Variants in PLCB1 observed in about 807,000 individuals in gnomAD.
PLCB1 encodes 1-phosphatidylinositol 4,5-bisphosphate phosphodiesterase beta-1.
In PLCB1, 46 loss-of-function variants were observed where a neutral mutation model predicts 161.8. The observed-to-expected ratio is 0.28, with a 90% CI of 0.22 to 0.36. The LOEUF (loss-of-function observed/expected upper bound fraction) is 0.36, where lower values mean the gene tolerates loss of function less well. Among genes scored for constraint, PLCB1 ranks in the 10% least tolerant of loss-of-function variants. The probability of loss-of-function intolerance (pLI) is 1.00; values close to 1 mark genes in which losing one functional copy is unlikely to be tolerated. For missense variants in PLCB1, 1,016 were observed against 1,472.5 expected, an observed-to-expected ratio of 0.69 and a Z score of 5.07; for synonymous variants, 517 against 503.7, an observed-to-expected ratio of 1.03 and a Z score of -0.35.
At chr20:8,460,389 A>G (rs1981523933) in intron 3 of PLCB1, among the ~76,000 whole-genome samples, 1 of 152,212 alleles carries the variant, frequency 6.6e-6, no homozygotes, top group Admixed American at 6.5e-5. Context: ...AGTGCATCCC[A>G]CTCAGAGCTT....
intron 3 of PLCB1, among the ~76,000 whole-genome samples, chr20:8,622,158 G>A (rs1022613402): frequency 1.4e-4 from 22 of 151,824 alleles, no homozygotes; most frequent in African/African-American, 5.1e-4. Flanking sequence ...GGAGGCTGAG[G>A]CAGGAGAATC....
At chr20:8,711,847 A>G (rs1184318622) in intron 12 of PLCB1, among the ~76,000 whole-genome samples, 1 of 152,154 alleles carries the variant, frequency 6.6e-6, no homozygotes, top group Non-Finnish European at 1.5e-5. Context: ...ATCCTTCTCA[A>G]CACAGTGACC....
At chr20:8,297,009 T>G (rs1983659662) in intron 2 of PLCB1, among the ~76,000 whole-genome samples, 1 of 152,070 alleles carries the variant, frequency 6.6e-6, no homozygotes, top group Admixed American at 6.6e-5. Context: ...TGAATGAACT[T>G]GAGTACATAT....
chr20:8,755,927 G>A (rs1456085025), intron 23 of PLCB1, among the ~76,000 whole-genome samples: 1 of 152,210 alleles, frequency 6.6e-6, no homozygotes, highest in Non-Finnish European at 1.5e-5. Context: ...GAGTTGCTAG[G>A]CAGGTGTCCT....
At position 8,380,543 on chromosome 20, in the gene PLCB1, G is replaced by C. The variant is rs545929644; in HGVS notation, c.246+9093G>C. Among the ~76,000 whole-genome samples the C allele has an allele frequency of 3.9e-5, 6 of 152,228 alleles. No homozygotes were observed. The South Asian group carries it at 1.2e-3, about 32-fold the overall frequency. On this transcript the variant is annotated intron_variant, in intron 3 of 31. Coordinates refer to ENST00000338037, the MANE Select transcript of PLCB1 (RefSeq NM_015192.4). Reference sequence around the variant, plus strand: ...ATCTATAAATTATTTTGGGCAGTACGGACATTTTCATGATATTGATTCTTC... The same window carrying C: ...ATCTATAAATTATTTTGGGCAGTACCGACATTTTCATGATATTGATTCTTC...
rs527286869 is a variant in PLCB1 at position 8,208,752 on chromosome 20, T to C, written c.177+58381T>C. Among the ~76,000 whole-genome samples, 234 of 139,050 alleles carry C rather than the reference T, an allele frequency of 1.7e-3. 1 individual carries two copies. The highest frequency in any genetic ancestry group is 6.7e-3 in the African/African-American group (226 of 33,576). 91.2% of individuals were successfully genotyped at this position (139,050 alleles called of 152,430 possible). A position where few individuals can be genotyped will look rare whatever the true frequency, so the allele number is the denominator to read the frequency against. On this transcript the variant is annotated intron_variant, in intron 2 of 31. Transcript: ENST00000338037. ...CAAGTCAAATTATAGATGAGGATGA[T>C]AGTGATTTTTTTTCACATTTCATGA... is the stretch of plus-strand genomic sequence containing the variant.
chr20:8,607,015 A>C (rs6108161), intron 3 of PLCB1, among the ~76,000 whole-genome samples: 21,837 of 152,114 alleles, frequency 0.14, 1,831 homozygotes, highest in East Asian at 0.32. Context: ...TTCTAAATCC[A>C]TAGCTTTCCC....
At chr20:8,269,732 A>T (rs1982177414) in intron 2 of PLCB1, among the ~76,000 whole-genome samples, 1 of 152,194 alleles carries the variant, frequency 6.6e-6, no homozygotes, top group African/African-American at 2.4e-5. Flanking sequence ...ACAACAGCAC[A>T]GTAAGATACA....
chr20:8,229,899 A>ATAAAATAAAAT (rs1979918884), intron 2 of PLCB1, among the ~76,000 whole-genome samples: 1 of 99,560 alleles, frequency 1.0e-5, no homozygotes, highest in South Asian at 3.9e-4. Context: ...TAAAATAAAA[A>ATAAAATAAAAT]AAATAATTTA....
chr20:8,511,331 T>C (rs1983883022), intron 3 of PLCB1, among the ~76,000 whole-genome samples: 1 of 152,178 alleles, frequency 6.6e-6, no homozygotes, highest in Admixed American at 6.5e-5. Context: ...GGCTGAACAG[T>C]GTATATATAC....
intron 3 of PLCB1, among the ~76,000 whole-genome samples, chr20:8,477,144 A>G (rs559837960): frequency 6.6e-6 from 1 of 152,272 alleles, no homozygotes; most frequent in Non-Finnish European, 1.5e-5. Flanking sequence ...GACCAGCAGC[A>G]CCTGCAAGCT....
chr20:8,177,772 A>C (rs535102002), intron 2 of PLCB1, among the ~76,000 whole-genome samples: 2 of 152,222 alleles, frequency 1.3e-5, no homozygotes, highest in Middle Eastern at 3.4e-3. Flanking sequence ...TTTGCTGTGC[A>C]TATTATTTAA....
At chr20:8,662,421 A>T (rs112131600) in intron 9 of PLCB1, among the ~76,000 whole-genome samples, 3 of 124,118 alleles carry the variant, frequency 2.4e-5, no homozygotes, top group African/African-American at 9.2e-5. Flanking sequence ...ATAATATATA[A>T]TTATTTATTA....
chr20:8,452,867 T>C (rs2221695), intron 3 of PLCB1, among the ~76,000 whole-genome samples: 28,123 of 152,160 alleles, frequency 0.18, 3,195 homozygotes, highest in East Asian at 0.53. Flanking sequence ...GTGTGCAAGA[T>C]GGAAAGTACG....
chr20:8,533,391 G>A (rs1352086485), intron 3 of PLCB1, among the ~76,000 whole-genome samples: 6 of 151,216 alleles, frequency 4.0e-5, no homozygotes, highest in East Asian at 1.9e-4. Context: ...TAATGGGATG[G>A]CTGGGTCAAA....
intron 3 of PLCB1, among the ~76,000 whole-genome samples, chr20:8,506,450 G>A (rs17363114): frequency 0.31 from 47,477 of 151,934 alleles, 7,811 homozygotes; most frequent in Admixed American, 0.38. Context: ...ACCATTTAAC[G>A]TGCTAAACAG....
At chr20:8,534,196 G>A (rs1984949457) in intron 3 of PLCB1, among the ~76,000 whole-genome samples, 1 of 152,062 alleles carries the variant, frequency 6.6e-6, no homozygotes, top group Non-Finnish European at 1.5e-5. Flanking sequence ...TTGAACTCCT[G>A]GGCTCAAGGA....
intron 3 of PLCB1, among the ~76,000 whole-genome samples, chr20:8,418,668 A>T (rs1308446483): frequency 2.0e-5 from 3 of 152,108 alleles, no homozygotes; most frequent in African/African-American, 7.2e-5. Context: ...ATTGTAATAA[A>T]AAATCAAAAT....
chr20:8,836,258 T>A (rs1986279672), intron 31 of PLCB1, among the ~76,000 whole-genome samples: 1 of 152,208 alleles, frequency 6.6e-6, no homozygotes, highest in African/African-American at 2.4e-5. Flanking sequence ...AGACTTTAAG[T>A]GTTAATAGGA....
Sources: allele counts gnomAD v4.1 joint callset (sites outside exome capture counted in the v4.1 genomes callset), GRCh38; gene constraint gnomAD v4.1.1; transcripts MANE v1.5; gene names NCBI Gene and HGNC (gene_info 2026-07-23, HGNC 2026-07-21).